The following FGF14 variants were observed in gnomAD, a reference collection of about 807,000 sequenced individuals.
FGF14 encodes the protein fibroblast growth factor homologous factor 4.
Under a neutral mutation model 25.5 loss-of-function variants are expected in FGF14, and 5 were observed. The observed-to-expected ratio is 0.20, with a 90% confidence interval of 0.10 to 0.41. The LOEUF is 0.41. Ranked by LOEUF, FGF14 falls within the 10% of genes least tolerant of loss-of-function variation. FGF14 has a pLI of 1.00. For missense variants in FGF14, 222 were observed against 320.1 expected (o/e 0.69, Z 2.34); for synonymous variants, 138 against 118.3 (o/e 1.17, Z -1.08).
chr13:101,936,481 T>G (rs987703095), intron 1 of FGF14, among the ~76,000 whole-genome samples: 1 of 152,172 alleles, frequency 6.6e-6, no homozygotes, highest in Non-Finnish European at 1.5e-5. Flanking sequence ...GCCTTCCAAC[T>G]TTGTAACTAT....
chr13:101,931,491 T>C (rs757700432), intron 1 of FGF14, among the ~76,000 whole-genome samples: 1 of 152,176 alleles, frequency 6.6e-6, no homozygotes, highest in Non-Finnish European at 1.5e-5. Context: ...CTGAAAACCT[T>C]AGGACTGGAT....
rs564334811 is a variant in FGF14, at chr13:101,811,861, C to G, written c.408+56864G>C. On this transcript the variant is annotated intron_variant, in intron 3 of 4. Transcript: ENST00000376143. ...ATGAGCCTCACTGGTTCATCTCTAA[C>G]AGGAAAGGACTAGCCTAAATATTTA... Among the ~76,000 whole-genome samples the G allele has an allele frequency of 2.0e-5, 3 of 152,210 alleles. No homozygotes were observed. The East Asian group carries it at 5.8e-4, about 29-fold the overall frequency.
chr13:102,135,633 G>A lies in FGF14; in HGVS notation c.209-260337C>T, dbSNP rs9585851. 3.8e-3 allele frequency among the ~76,000 whole-genome samples: 571 copies of A among 152,228 alleles called. 5 individuals are homozygous for A. The highest frequency in any genetic ancestry group is 0.012 in the African/African-American group (501 of 41,528). The stretch of plus-strand genomic sequence containing the variant: ...CTGTAAACAGAATTTCTCTACATGT[G>A]GGATTTGAAGTGCAATTGCAATGAA... On this transcript the variant is annotated intron_variant, in intron 1 of 4. Coordinates refer to the FGF14 transcript ENST00000376131.
At chr13:102,067,645 T>C (rs2140133588) in intron 1 of FGF14, among the ~76,000 whole-genome samples, 1 of 150,282 alleles carries the variant, frequency 6.7e-6, no homozygotes, top group South Asian at 2.1e-4. Flanking sequence ...AAAGCATGCC[T>C]ACTAGATCTA....
intron 3 of FGF14, among the ~76,000 whole-genome samples, chr13:101,806,124 C>T (rs980201500): frequency 6.6e-6 from 1 of 151,644 alleles, no homozygotes; most frequent in African/African-American, 2.4e-5. Flanking sequence ...TATGTAAAAG[C>T]ATTAATGAAA....
intron 1 of FGF14, chr13:102,401,341 T>C (rs2058699661): frequency 6.0e-6 from 5 of 838,454 alleles, no homozygotes; most frequent in Non-Finnish European, 9.9e-6. Flanking sequence ...AACACCTCTA[T>C]ATGCAACACT....
chr13:102,323,679 T>TGA (rs1331596143), intron 1 of FGF14, among the ~76,000 whole-genome samples: 1 of 152,166 alleles, frequency 6.6e-6, no homozygotes, highest in Non-Finnish European at 1.5e-5. Flanking sequence ...TTTTGACCTT[T>TGA]GAGCCTTGAA....
intron 1 of FGF14, among the ~76,000 whole-genome samples, chr13:101,964,552 C>A (rs959815642): frequency 6.6e-6 from 1 of 152,092 alleles, no homozygotes; most frequent in African/African-American, 2.4e-5. Flanking sequence ...ACAACATGAA[C>A]AAAGAAATAT....
At chr13:102,023,138 T>C (rs1045191868) in intron 1 of FGF14, among the ~76,000 whole-genome samples, 1 of 151,822 alleles carries the variant, frequency 6.6e-6, no homozygotes, top group Admixed American at 6.6e-5. Flanking sequence ...GTCTAACTGA[T>C]TGCCAGATGT....
chr13:102,098,735 AGGACCTATCAGG>A (rs990862773), intron 1 of FGF14, among the ~76,000 whole-genome samples: 1 of 152,166 alleles, frequency 6.6e-6, no homozygotes, highest in Non-Finnish European at 1.5e-5. Flanking sequence ...CATTTTGGAG[AGGACCTATCAGG>A]GGACATTGAC....
intron 1 of FGF14, among the ~76,000 whole-genome samples, chr13:101,980,791 TG>T (rs1555332719): frequency 6.6e-6 from 1 of 152,202 alleles, no homozygotes; most frequent in Non-Finnish European, 1.5e-5. Flanking sequence ...AATAGATTTT[TG>T]GAACAAATCT....
At chr13:102,100,007 T>C (rs1217784548) in intron 1 of FGF14, among the ~76,000 whole-genome samples, 1 of 152,124 alleles carries the variant, frequency 6.6e-6, no homozygotes, top group Non-Finnish European at 1.5e-5. Context: ...TAGACAACTA[T>C]AGACATGCTT....
chr13:101,783,225 AC>A lies in FGF14; in HGVS notation c.409-56416del, dbSNP rs2039615967. Among the ~76,000 whole-genome samples the A allele has an allele frequency of 2.0e-5, 3 of 152,028 alleles. No homozygotes were observed. In the South Asian group the frequency reaches 6.2e-4, roughly 31 times the overall value. ...GGTGGCTCAAGCCTGTAATCCTAGC[AC>A]TTTGGGAGGCTGAGGCGGGTGGATC... On this transcript the variant is annotated intron_variant, in intron 3 of 4. Transcript: ENST00000376143.
chr13:102,162,668 A>G (rs978924913), intron 1 of FGF14, among the ~76,000 whole-genome samples: 1 of 152,188 alleles, frequency 6.6e-6, no homozygotes, highest in Non-Finnish European at 1.5e-5. Flanking sequence ...AGACTTCATT[A>G]TGTGTTGAGA....
chr13:102,328,195 A>G (rs1384257549), intron 1 of FGF14, among the ~76,000 whole-genome samples: 2 of 152,176 alleles, frequency 1.3e-5, no homozygotes, highest in African/African-American at 2.4e-5. Context: ...AACATTTGCA[A>G]CTTATTCAAG....
intron 1 of FGF14, among the ~76,000 whole-genome samples, chr13:101,941,008 C>A (rs1168084902): frequency 2.0e-5 from 3 of 151,690 alleles, no homozygotes; most frequent in Non-Finnish European, 4.4e-5. Flanking sequence ...GAAAAAAAAA[C>A]AAGTCTTGAT....
intron 1 of FGF14, among the ~76,000 whole-genome samples, chr13:101,927,688 G>A (rs1212175045): frequency 1.3e-5 from 2 of 152,114 alleles, no homozygotes; most frequent in Non-Finnish European, 2.9e-5. Context: ...TCTTTGAAGG[G>A]TCATTCTACC....
chr13:102,175,886 A>G (rs1286683921), intron 1 of FGF14, among the ~76,000 whole-genome samples: 3 of 152,166 alleles, frequency 2.0e-5, no homozygotes, highest in Non-Finnish European at 4.4e-5. Flanking sequence ...CACACCAGTC[A>G]GAATGGCTAT....
chr13:102,394,803 C>A (rs1172587779), intron 1 of FGF14: 1 of 152,388 alleles, frequency 6.6e-6, no homozygotes, highest in African/African-American at 2.4e-5. Flanking sequence ...AGTCCACACT[C>A]GGAACCCAGC....
Sources: gnomAD v4.1 joint callset for allele counts (sites outside exome capture counted in the v4.1 genomes callset) on GRCh38, gnomAD v4.1.1 for gene constraint, MANE v1.5 for transcripts, NCBI Gene and HGNC (gene_info 2026-07-23, HGNC 2026-07-21) for gene names.